The following SDK1 variants were observed in gnomAD, a reference collection of about 807,000 sequenced individuals.
The protein encoded by SDK1 is protein sidekick-1.
SDK1 carries 157 observed loss-of-function variants against 245.5 expected under a neutral mutation model. The ratio of observed to expected loss-of-function variants is 0.64; its 90% CI spans 0.56 to 0.73. The LOEUF (loss-of-function observed/expected upper bound fraction) is 0.73. Ranked by LOEUF, SDK1 falls within the 30% of genes least tolerant of loss-of-function variation. The pLI is 0.00. For synonymous variants in SDK1, 1,647 were observed against 1,278.5 expected, an observed-to-expected ratio of 1.29 and a Z score of -6.15; for missense variants, 3,583 against 3,002.3, an observed-to-expected ratio of 1.19 and a Z score of -4.52.
intron 17 of SDK1, among the ~76,000 whole-genome samples, chr7:4,029,202 C>A (rs925374482): frequency 7.6e-6 from 1 of 131,124 alleles, no homozygotes; most frequent in Non-Finnish European, 1.6e-5. Context: ...GATTTTCTTT[C>A]TTTTATTCTT....
At chr7:3,830,957 A>G (rs1015094753) in intron 5 of SDK1, among the ~76,000 whole-genome samples, 1 of 152,218 alleles carries the variant, frequency 6.6e-6, no homozygotes, top group Non-Finnish European at 1.5e-5. Flanking sequence ...GTGACCCAAG[A>G]TTATAACTTA....
At chr7:3,919,357 G>A (rs1012077500) in intron 5 of SDK1, among the ~76,000 whole-genome samples, 2 of 152,142 alleles carry the variant, frequency 1.3e-5, no homozygotes, top group African/African-American at 2.4e-5. Flanking sequence ...TAAGTCAGGT[G>A]TTTGCCTCTG....
intron 14 of SDK1, among the ~76,000 whole-genome samples, chr7:3,990,436 G>A (rs1784209799): frequency 6.6e-6 from 1 of 152,198 alleles, no homozygotes; most frequent in Admixed American, 6.5e-5. Context: ...CAACGGCTCT[G>A]ACCGAACGGG....
At chr7:3,719,115 C>G (rs1785288436) in intron 4 of SDK1, among the ~76,000 whole-genome samples, 1 of 151,934 alleles carries the variant, frequency 6.6e-6, no homozygotes, top group Non-Finnish European at 1.5e-5. Flanking sequence ...ATACCCAAGT[C>G]TGTATTTCAT....
chr7:3,518,207 TTCTG>T (rs1167085041), intron 1 of SDK1, among the ~76,000 whole-genome samples: 1 of 152,288 alleles, frequency 6.6e-6, no homozygotes, highest in African/African-American at 2.4e-5. Context: ...GTACTATTCT[TTCTG>T]CAGATAAAAT....
chr7:3,557,696 A>T (rs539110139), intron 1 of SDK1, among the ~76,000 whole-genome samples: 1 of 152,212 alleles, frequency 6.6e-6, no homozygotes, highest in Non-Finnish European at 1.5e-5. Context: ...AGTAAAGGGT[A>T]CTCAGAATCT....
At chr7:3,818,563 A>T (rs1779566777) in intron 4 of SDK1, among the ~76,000 whole-genome samples, 1 of 152,156 alleles carries the variant, frequency 6.6e-6, no homozygotes, top group Non-Finnish European at 1.5e-5. Context: ...AGTGCATAGA[A>T]CCCTTAAATC....
chr7:4,234,181 C>G (rs1384019807), intron 41 of SDK1, among the ~76,000 whole-genome samples: 1 of 152,146 alleles, frequency 6.6e-6, no homozygotes, highest in Non-Finnish European at 1.5e-5. Context: ...GCTCTGGGCT[C>G]AAGGTGAGCA....
chr7:3,913,260 C>T (rs929751683), intron 5 of SDK1, among the ~76,000 whole-genome samples: 1 of 151,450 alleles, frequency 6.6e-6, no homozygotes, highest in African/African-American at 2.4e-5. Flanking sequence ...GCCCTTCCCT[C>T]TCCCCTCCTC....
chr7:4,051,099 A>G (rs1165367603), intron 18 of SDK1, among the ~76,000 whole-genome samples: 3 of 139,678 alleles, frequency 2.1e-5, no homozygotes, highest in African/African-American at 8.0e-5. Context: ...CTATATGTGT[A>G]TATAATATAT....
At chr7:3,551,343 T>C (rs995607506) in intron 1 of SDK1, among the ~76,000 whole-genome samples, 9 of 152,230 alleles carry the variant, frequency 5.9e-5, no homozygotes, top group Admixed American at 1.3e-4. Context: ...GAATTTTTAA[T>C]GTTCATATGT....
Position 3,459,957 on chromosome 7 carries a change from G to C in SDK1, c.298+158073G>C, listed in dbSNP as rs1780783919. 2.6e-5 allele frequency among the ~76,000 whole-genome samples: 4 copies of C among 152,292 alleles called. No individual in the cohort carries two copies. In the South Asian group the frequency reaches 8.3e-4, roughly 32 times the overall value. On this transcript the variant is annotated intron_variant, in intron 1 of 44. Coordinates refer to ENST00000404826, the MANE Select transcript of SDK1 (RefSeq NM_152744.4). ...TTTTAAGAAACTTGCCTGCCTCTTG[G>C]ATAGCAAAGAAAGTGATTTTTATTT...
intron 1 of SDK1, among the ~76,000 whole-genome samples, chr7:3,394,089 T>A (rs1781830692): frequency 6.6e-6 from 1 of 152,134 alleles, no homozygotes; most frequent in Non-Finnish European, 1.5e-5. Flanking sequence ...ATAGGTACTG[T>A]CTTGGTAGTC....
At chr7:4,011,996 TAGTC>T (rs1786007693) in intron 15 of SDK1, 95 bp from the exon 16 acceptor site, 4 of 1,084,180 alleles carry the variant, frequency 3.7e-6, no homozygotes, top group Middle Eastern at 2.2e-4. Flanking sequence ...TTTTTGTGAA[TAGTC>T]AGGCTCAAGA....
chr7:4,244,995 T>C (rs1054612945), intron 43 of SDK1, among the ~76,000 whole-genome samples: 2 of 152,190 alleles, frequency 1.3e-5, no homozygotes, highest in Admixed American at 6.5e-5. Context: ...CCTAATGTCA[T>C]GTGATCATGG....
chr7:3,625,675 C>A (rs1782094300), intron 2 of SDK1, among the ~76,000 whole-genome samples: 2 of 152,306 alleles, frequency 1.3e-5, no homozygotes, highest in African/African-American at 2.4e-5. Flanking sequence ...TATTTATCAG[C>A]TCCTGTACTT....
At chr7:3,632,586 T>C (rs976508507) in intron 2 of SDK1, among the ~76,000 whole-genome samples, 2 of 152,192 alleles carry the variant, frequency 1.3e-5, no homozygotes, top group African/African-American at 4.8e-5. Flanking sequence ...TTTATTGCCC[T>C]TCTCAAGTTA....
At chr7:3,765,514 C>A (rs116198655) in intron 4 of SDK1, among the ~76,000 whole-genome samples, 1 of 152,278 alleles carries the variant, frequency 6.6e-6, no homozygotes, top group East Asian at 1.9e-4. Flanking sequence ...TGTTTTCTTT[C>A]CTTTTAACGC....
intron 4 of SDK1, among the ~76,000 whole-genome samples, chr7:3,646,594 A>C (rs1782844679): frequency 1.3e-5 from 2 of 152,072 alleles, no homozygotes; most frequent in African/African-American, 4.8e-5. Flanking sequence ...TCTGCCTGAC[A>C]CTCAGTCTCA....
Sources: allele counts gnomAD v4.1 joint callset (sites outside exome capture counted in the v4.1 genomes callset), GRCh38; gene constraint gnomAD v4.1.1; transcripts MANE v1.5; gene names NCBI Gene and HGNC (gene_info 2026-07-23, HGNC 2026-07-21).